Variants in MPPED2 observed in about 807,000 individuals in gnomAD.
MPPED2 encodes the protein metallophosphoesterase MPPED2.
Under a neutral mutation model 33.0 loss-of-function variants are expected in MPPED2, and 5 were observed. The ratio of observed to expected loss-of-function variants is 0.15; its 90% CI spans 0.08 to 0.32. The LOEUF is 0.32. Among genes scored for constraint, MPPED2 ranks in the 10% least tolerant of loss-of-function variants. The pLI is 1.00. For missense variants in MPPED2, 275 were observed against 372.1 expected, an observed-to-expected ratio of 0.74 and a Z score of 2.15; for synonymous variants, 136 against 141.9, an observed-to-expected ratio of 0.96 and a Z score of 0.29.
chr11:30,550,659 A>C (rs929450765), intron 2 of MPPED2, among the ~76,000 whole-genome samples: 2 of 152,206 alleles, frequency 1.3e-5, no homozygotes, highest in Non-Finnish European at 2.9e-5. Context: ...TTCCGGAGTG[A>C]AAGAGTAAAA....
At chr11:30,556,173 T>C (rs910682594) in intron 2 of MPPED2, among the ~76,000 whole-genome samples, 1 of 152,204 alleles carries the variant, frequency 6.6e-6, no homozygotes. Flanking sequence ...TTTAAGTAAC[T>C]TCAGCCTAAA....
intron 3 of MPPED2, among the ~76,000 whole-genome samples, chr11:30,495,785 T>A (rs1296998155): frequency 6.6e-6 from 1 of 152,258 alleles, no homozygotes; most frequent in Non-Finnish European, 1.5e-5. Flanking sequence ...CTGTATGCTA[T>A]GTATTCATTG....
intron 3 of MPPED2, among the ~76,000 whole-genome samples, chr11:30,496,332 C>T (rs904724185): frequency 3.3e-5 from 5 of 152,172 alleles, no homozygotes; most frequent in Admixed American, 1.3e-4. Context: ...ACGGGTCATA[C>T]ATATTAATAA....
At chr11:30,555,880 C>T (rs1394119639) in intron 2 of MPPED2, among the ~76,000 whole-genome samples, 1 of 152,122 alleles carries the variant, frequency 6.6e-6, no homozygotes, top group African/African-American at 2.4e-5. Context: ...TTCATTCCAG[C>T]CCAGTCTCCA....
chr11:30,585,727 G>A (rs1272951701), intron 1 of MPPED2, among the ~76,000 whole-genome samples: 1 of 152,138 alleles, frequency 6.6e-6, no homozygotes, highest in African/African-American at 2.4e-5. Context: ...GTGGAGAAGA[G>A]AAGAGGCGCA....
At chr11:30,568,370 C>A (rs935749238) in intron 2 of MPPED2, among the ~76,000 whole-genome samples, 1 of 152,100 alleles carries the variant, frequency 6.6e-6, no homozygotes, top group Non-Finnish European at 1.5e-5. Flanking sequence ...AACCTTCATT[C>A]TTTCCCTCTC....
chr11:30,551,071 A>G (rs1050964682), intron 2 of MPPED2, among the ~76,000 whole-genome samples: 1 of 152,216 alleles, frequency 6.6e-6, no homozygotes, highest in African/African-American at 2.4e-5. Flanking sequence ...AGGGCATTGT[A>G]ATTATTCCCA....
Position 30,437,822 on chromosome 11 carries a change from A to G in MPPED2, c.537-20189T>C, listed in dbSNP as rs150100695. Among the ~76,000 whole-genome samples the G allele has an allele frequency of 3.7e-3, 569 of 152,244 alleles. 5 individuals are homozygous for G. Among genetic ancestry groups the G allele is most frequent in the African/African-American group, 0.013 (552 of 41,560 alleles). On this transcript the variant is annotated intron_variant, in intron 4 of 6. Transcript: ENST00000358117. The stretch of plus-strand genomic sequence containing the variant: ...GTTAACAAAATGTGCCTCCAGAGCC[A>G]AGGAGCAGGAATCTCGGGGGAAGCA...
rs1033757196 is a variant in MPPED2 at position 30,586,122 on chromosome 11, C to G, written c.-202G>C. 1.3e-5 allele frequency: 2 copies of G among 152,356 alleles called. No individual in the cohort carries two copies. Among genetic ancestry groups the G allele is most frequent in the African/African-American group, 4.8e-5 (2 of 41,450 alleles). The allele number at this position is 152,356 out of a possible 1,614,324, so 9.4% of individuals were successfully genotyped here. On this transcript the variant is annotated 5_prime_UTR_variant, in exon 1 of 7. Transcript: ENST00000358117. The surrounding 1 kb of genome is among the most constrained non-coding windows in gnomAD (Gnocchi z 4.8). ...CGATCCATAGCCGAGCGGCCCGAGC[C>G]GGCTGGAGGAGCGCTGGGGGCGCGC...
At chr11:30,533,850 T>C (rs1416689297) in intron 3 of MPPED2, among the ~76,000 whole-genome samples, 1 of 152,212 alleles carries the variant, frequency 6.6e-6, no homozygotes, top group Non-Finnish European at 1.5e-5. Flanking sequence ...TGTATTTCCT[T>C]AGTTATGACA....
intron 6 of MPPED2, among the ~76,000 whole-genome samples, chr11:30,401,935 G>C (rs1357761638): frequency 6.6e-6 from 1 of 151,456 alleles, no homozygotes; most frequent in Non-Finnish European, 1.5e-5. Flanking sequence ...CTGACCTCGT[G>C]ATCCGCCTGC....
intron 1 of MPPED2, 98 bp from the exon 2 acceptor site, chr11:30,580,592 G>T: frequency 8.3e-7 from 1 of 1,198,504 alleles, no homozygotes; most frequent in Non-Finnish European, 1.1e-6. Context: ...CTAGTTCAGG[G>T]AAAATCTGAA....
intron 2 of MPPED2, among the ~76,000 whole-genome samples, chr11:30,542,587 G>A (rs1168086773): frequency 6.6e-6 from 1 of 151,660 alleles, no homozygotes; most frequent in Non-Finnish European, 1.5e-5. Flanking sequence ...CTGAGATTGT[G>A]CCACTGCACT....
rs147147306 is a variant in MPPED2, at chr11:30,537,177, C to T, written c.129-1002G>A. ...AGTTTTAATTATTTAAGGGGTTTGT[C>T]GCAGAGTTAAGGATGCTTTAACTAT... is the stretch of plus-strand genomic sequence containing the variant. On this transcript the variant is annotated intron_variant, in intron 2 of 6. Coordinates refer to ENST00000358117, the MANE Select transcript of MPPED2 (RefSeq NM_001584.3). Among the ~76,000 whole-genome samples, 310 of 152,238 alleles carry T rather than the reference C, an allele frequency of 2.0e-3. 2 individuals are homozygous for T. The highest frequency in any genetic ancestry group is 3.8e-3 in the Non-Finnish European group (257 of 68,000).
intron 2 of MPPED2, among the ~76,000 whole-genome samples, chr11:30,560,072 A>G (rs1001524235): frequency 2.6e-5 from 4 of 152,224 alleles, no homozygotes; most frequent in Non-Finnish European, 1.5e-5. Context: ...TCACGAATTA[A>G]GAAAACCTCA....
At chr11:30,506,204 ATTTTTTATATT>A (rs1173153806) in intron 3 of MPPED2, among the ~76,000 whole-genome samples, 5 of 151,880 alleles carry the variant, frequency 3.3e-5, no homozygotes, top group Non-Finnish European at 4.4e-5. Context: ...CCCCCGGCTA[ATTTTTTATATT>A]TTTAGTAGAG....
rs536624491 is a variant in MPPED2 at position 30,521,350 on chromosome 11, A to G, written c.310+14644T>C. 2.2e-4 allele frequency among the ~76,000 whole-genome samples: 34 copies of G among 152,362 alleles called. 1 individual carries two copies. In the Middle Eastern group the frequency reaches 0.014, roughly 61 times the overall value. Reference sequence around the variant, plus strand: ...CCACCAGCCCCATTTAGGCTAAATTACGAAAGCTTGCTAATCAAACGCCTT... The same window carrying G: ...CCACCAGCCCCATTTAGGCTAAATTGCGAAAGCTTGCTAATCAAACGCCTT... On this transcript the variant is annotated intron_variant, in intron 3 of 6. Transcript: ENST00000358117.
intron 2 of MPPED2, among the ~76,000 whole-genome samples, chr11:30,553,050 G>C (rs1014642769): frequency 6.6e-6 from 1 of 152,082 alleles, no homozygotes; most frequent in Non-Finnish European, 1.5e-5. Context: ...ACAGGGAAGA[G>C]CACAAACACC....
intron 2 of MPPED2, among the ~76,000 whole-genome samples, chr11:30,576,261 T>C (rs561323528): frequency 1.3e-5 from 2 of 152,300 alleles, no homozygotes; most frequent in South Asian, 4.1e-4. Flanking sequence ...AAGCAAATGT[T>C]AAACCCGGTA....
Sources: allele counts gnomAD v4.1 joint callset (sites outside exome capture counted in the v4.1 genomes callset), GRCh38; gene constraint gnomAD v4.1.1; non-coding constraint Gnocchi (gnomAD v3.1); transcripts MANE v1.5; gene names NCBI Gene and HGNC (gene_info 2026-07-23, HGNC 2026-07-21).